EBF2: variants seen among roughly 807,000 people sequenced by gnomAD.
EBF2 encodes transcription factor COE2.
A neutral mutation model predicts 72.8 loss-of-function variants in EBF2; 21 were observed. The ratio of observed to expected loss-of-function variants is 0.29; its 90% CI spans 0.20 to 0.42. The LOEUF (loss-of-function observed/expected upper bound fraction) is 0.42, where lower values mean the gene tolerates loss of function less well. EBF2 is among the 10% of genes least tolerant of loss of function. The pLI, the probability that EBF2 is intolerant of heterozygous loss-of-function variation, is 1.00. For missense variants in EBF2, 637 were observed against 731.2 expected (o/e 0.87, Z 1.49); for synonymous variants, 299 against 274.2 (o/e 1.09, Z -0.89).
At chr8:26,011,289 A>G (rs1804978013) in intron 6 of EBF2, among the ~76,000 whole-genome samples, 1 of 152,218 alleles carries the variant, frequency 6.6e-6, no homozygotes, top group African/African-American at 2.4e-5. Flanking sequence ...GCGTTTGTGA[A>G]ACAACTAACC....
rs185813904 is a variant in EBF2 at position 25,959,597 on chromosome 8, G to T, written c.552-51042C>A. 1.1e-3 allele frequency among the ~76,000 whole-genome samples: 174 copies of T among 152,300 alleles called. 2 individuals are homozygous for T. The highest frequency in any genetic ancestry group is 4.0e-3 in the African/African-American group (166 of 41,570). ...TGGGACTGATTCTCATTTGTTGTTT[G>T]GGGGAGGTTTTGATTTGGGTTTTCT... is the stretch of plus-strand genomic sequence containing the variant. On this transcript the variant is annotated intron_variant, in intron 6 of 15. Transcript: ENST00000520164.
chr8:25,890,214 T>G (rs1267104832), intron 7 of EBF2, among the ~76,000 whole-genome samples: 1 of 152,104 alleles, frequency 6.6e-6, no homozygotes, highest in Non-Finnish European at 1.5e-5. Flanking sequence ...AAAGCTGGTG[T>G]GCCATGTGGA....
intron 6 of EBF2, among the ~76,000 whole-genome samples, chr8:25,963,148 A>G (rs1441604558): frequency 6.6e-6 from 1 of 152,188 alleles, no homozygotes; most frequent in Non-Finnish European, 1.5e-5. Flanking sequence ...ACTCTCAGAT[A>G]TGGAAGCAAC....
intron 6 of EBF2, among the ~76,000 whole-genome samples, chr8:26,020,153 C>A (rs1270624697): frequency 6.6e-6 from 1 of 152,188 alleles, no homozygotes; most frequent in Admixed American, 6.5e-5. Context: ...GGGAATTAGA[C>A]AAATGCTTTA....
At position 25,842,894 on chromosome 8, in the gene EBF2, T is replaced by C. The variant is rs1416166219; in HGVS notation, c.*1715A>G. 6.6e-6 allele frequency: 1 copy of C among 152,212 alleles called. No individual in the cohort carries two copies. Among genetic ancestry groups the C allele is most frequent in the African/African-American group, 2.4e-5 (1 of 41,452 alleles). 9.4% of individuals were successfully genotyped at this position (152,212 alleles called of 1,614,324 possible). On this transcript the variant is annotated 3_prime_UTR_variant, in exon 16 of 16. Coordinates refer to ENST00000520164, the MANE Select transcript of EBF2 (RefSeq NM_022659.4). ...CCATGAGTGCTGCATCTATTTCTAA[T>C]GCTGAAATCCCAACCAAGAACCCCA...
intron 6 of EBF2, among the ~76,000 whole-genome samples, chr8:26,003,305 T>G (rs1436871315): frequency 6.6e-6 from 1 of 152,202 alleles, no homozygotes; most frequent in Non-Finnish European, 1.5e-5. Context: ...TGAGAGCTGC[T>G]GCTTCTTCCC....
chr8:25,860,482 C>A (rs1454332864), intron 13 of EBF2, among the ~76,000 whole-genome samples: 1 of 151,414 alleles, frequency 6.6e-6, no homozygotes, highest in Non-Finnish European at 1.5e-5. Context: ...TGATAATACC[C>A]AATCCTTTTT....
intron 6 of EBF2, among the ~76,000 whole-genome samples, chr8:25,922,002 C>T (rs1409522206): frequency 2.6e-5 from 4 of 152,126 alleles, no homozygotes; most frequent in Non-Finnish European, 5.9e-5. Flanking sequence ...AACTGAGCCA[C>T]CTTGTTTCAA....
At chr8:25,934,231 A>G (rs1394934689) in intron 6 of EBF2, among the ~76,000 whole-genome samples, 26 of 44,126 alleles carry the variant, frequency 5.9e-4, no homozygotes, top group African/African-American at 4.2e-3. Context: ...GCATACACAC[A>G]CACACACACA....
At chr8:25,858,646 T>A in intron 13 of EBF2, 142 bp from the exon 14 acceptor site, 1 of 484,330 alleles carries the variant, frequency 2.1e-6, no homozygotes, top group Non-Finnish European at 3.5e-6. Flanking sequence ...GCAGTCCATC[T>A]TTAGCTTTTT....
At chr8:25,890,003 A>G (rs942036113) in intron 7 of EBF2, 134 bp from the exon 8 acceptor site, 13 of 721,422 alleles carry the variant, frequency 1.8e-5, no homozygotes, top group Admixed American at 4.5e-5. Context: ...TTGGGACTCA[A>G]CAGAGTTTTC....
intron 7 of EBF2, among the ~76,000 whole-genome samples, chr8:25,901,292 C>T (rs544604234): frequency 6.6e-6 from 1 of 151,980 alleles, no homozygotes; most frequent in Admixed American, 6.6e-5. Flanking sequence ...CCTGATGGCA[C>T]ACACCCGTAG....
chr8:25,952,802 A>G (rs1803885294), intron 6 of EBF2, among the ~76,000 whole-genome samples: 1 of 152,298 alleles, frequency 6.6e-6, no homozygotes, highest in South Asian at 2.1e-4. Context: ...CTTAGTATCT[A>G]TTGTACATAT....
At chr8:25,970,196 C>T (rs1804169611) in intron 6 of EBF2, among the ~76,000 whole-genome samples, 1 of 152,172 alleles carries the variant, frequency 6.6e-6, no homozygotes, top group Non-Finnish European at 1.5e-5. Context: ...TGACCACAGG[C>T]TCTGGTTTCC....
intron 6 of EBF2, among the ~76,000 whole-genome samples, chr8:25,950,381 T>C (rs1803841301): frequency 6.6e-6 from 1 of 152,146 alleles, no homozygotes; most frequent in South Asian, 2.1e-4. Context: ...TCAATTCCGG[T>C]AAAAGGCTAG....
At chr8:25,965,096 C>T (rs774226157) in intron 6 of EBF2, among the ~76,000 whole-genome samples, 1 of 152,116 alleles carries the variant, frequency 6.6e-6, no homozygotes, top group Non-Finnish European at 1.5e-5. Context: ...CATATATATA[C>T]ACATATATAT....
chr8:26,025,498 A>G (rs1387906745), intron 6 of EBF2, among the ~76,000 whole-genome samples: 2 of 152,116 alleles, frequency 1.3e-5, no homozygotes, highest in African/African-American at 4.8e-5. Context: ...CTAAAACTCC[A>G]GTGTCAGGAA....
intron 6 of EBF2, among the ~76,000 whole-genome samples, chr8:26,013,713 C>G (rs1331816784): frequency 1.3e-5 from 2 of 151,712 alleles, no homozygotes; most frequent in African/African-American, 4.8e-5. Context: ...AAAATCAAGG[C>G]AAGACACAAC....
At chr8:26,034,322 T>C (rs1805460788) in intron 5 of EBF2, among the ~76,000 whole-genome samples, 1 of 152,204 alleles carries the variant, frequency 6.6e-6, no homozygotes, top group South Asian at 2.1e-4. Context: ...ACAGAAATGG[T>C]ATCCCACTGT....
Sources: allele counts gnomAD v4.1 joint callset (sites outside exome capture counted in the v4.1 genomes callset), GRCh38; gene constraint gnomAD v4.1.1; transcripts MANE v1.5; gene names NCBI Gene and HGNC (gene_info 2026-07-23, HGNC 2026-07-21).